The following PDLIM5 variants were observed in gnomAD, a reference collection of about 807,000 sequenced individuals.
The protein encoded by PDLIM5 is PDZ and LIM domain 5.
PDLIM5 carries 34 observed loss-of-function variants against 64.2 expected under a neutral mutation model. That is an observed-to-expected ratio of 0.53 (90% CI 0.40 to 0.71). PDLIM5 has a LOEUF of 0.71. PDLIM5 is among the 30% of genes least tolerant of loss of function. The pLI is 0.00. For missense variants in PDLIM5, 683 were observed against 733.6 expected (o/e 0.93, Z 0.80); for synonymous variants, 253 against 269.1 (o/e 0.94, Z 0.59).
intron 2 of PDLIM5, among the ~76,000 whole-genome samples, chr4:94,523,107 C>T (rs937303969): frequency 6.6e-6 from 1 of 152,078 alleles, no homozygotes. Context: ...GTGACATGCA[C>T]AAAAAAGTTG....
At chr4:94,639,169 T>C (rs1169552141) in intron 8 of PDLIM5, among the ~76,000 whole-genome samples, 1 of 152,116 alleles carries the variant, frequency 6.6e-6, no homozygotes, top group Non-Finnish European at 1.5e-5. Context: ...TGAGCATACA[T>C]AGACCCATTC....
Position 94,633,330 on chromosome 4 carries a change from TA to T in PDLIM5, c.1109-6945del, listed in dbSNP as rs554632692. Among the ~76,000 whole-genome samples, 54 of 152,334 alleles carry T rather than the reference TA, an allele frequency of 3.5e-4. No individual in the cohort carries two copies. The South Asian group carries it at 4.1e-3, about 12-fold the overall frequency. ...ATCTTCTATACCTAAGCAACGTGGA[TA>T]TTTTTTTAAATTCTAGAATCATTGT... On this transcript the variant is annotated intron_variant, in intron 8 of 12. Coordinates refer to ENST00000317968, the MANE Select transcript of PDLIM5 (RefSeq NM_006457.5).
Position 94,550,541 on chromosome 4 carries a change from A to G in PDLIM5, c.249-22810A>G, listed in dbSNP as rs550656265. ...TTACTTCTCAGAATAACTTTGGTGTATTATCTCTAGTAGCATTTTAGCTTA... is the reference window on the plus strand; with the variant it reads ...TTACTTCTCAGAATAACTTTGGTGTGTTATCTCTAGTAGCATTTTAGCTTA... On this transcript the variant is annotated intron_variant, in intron 3 of 12. Coordinates refer to ENST00000317968, the MANE Select transcript of PDLIM5 (RefSeq NM_006457.5). Among the ~76,000 whole-genome samples, 78 of 152,294 alleles carry G rather than the reference A, an allele frequency of 5.1e-4. 2 individuals carry two copies. In the South Asian group the frequency reaches 9.9e-3, roughly 19 times the overall value.
At chr4:94,500,378 G>A (rs1254175818) in intron 2 of PDLIM5, among the ~76,000 whole-genome samples, 3 of 152,062 alleles carry the variant, frequency 2.0e-5, no homozygotes, top group Admixed American at 6.5e-5. Flanking sequence ...TCAGCCAAAG[G>A]GATATTCATA....
chr4:94,521,691 G>A (rs1729841123), intron 2 of PDLIM5, among the ~76,000 whole-genome samples: 1 of 151,710 alleles, frequency 6.6e-6, no homozygotes, highest in African/African-American at 2.4e-5. Context: ...TTCTTTCTAC[G>A]ATGTTCATTA....
At position 94,480,111 on chromosome 4, in the gene PDLIM5, C is replaced by T. The variant is rs1725720920; in HGVS notation, c.96+24727C>T. Among the ~76,000 whole-genome samples, 4 of 152,302 alleles carry T rather than the reference C, an allele frequency of 2.6e-5. No homozygotes were observed. In the South Asian group the frequency reaches 8.3e-4, roughly 32 times the overall value. On this transcript the variant is annotated intron_variant, in intron 2 of 12. Transcript: ENST00000317968. ...TTTTAAATATGACTTCTCTTACTCACCATGATTACTTTTTAGATAAATGTG... is the reference window on the plus strand; with the variant it reads ...TTTTAAATATGACTTCTCTTACTCATCATGATTACTTTTTAGATAAATGTG...
chr4:94,464,345 G>T (rs941427608), intron 2 of PDLIM5, among the ~76,000 whole-genome samples: 2 of 152,164 alleles, frequency 1.3e-5, no homozygotes, highest in African/African-American at 2.4e-5. Context: ...CCATTGATTG[G>T]ATCAGGGATT....
chr4:94,476,295 GT>G (rs1207991854), intron 2 of PDLIM5, among the ~76,000 whole-genome samples: 2 of 152,016 alleles, frequency 1.3e-5, no homozygotes, highest in East Asian at 3.9e-4. Context: ...TTCTGGACAC[GT>G]AAAAGTAAAG....
chr4:94,473,015 A>G (rs751264277), intron 2 of PDLIM5, among the ~76,000 whole-genome samples: 10 of 152,208 alleles, frequency 6.6e-5, no homozygotes, highest in Admixed American at 2.0e-4. Context: ...ATGGAGCAAA[A>G]CAAAGAGGTA....
chr4:94,661,546 A>C (rs1742717205), intron 11 of PDLIM5, among the ~76,000 whole-genome samples: 1 of 152,232 alleles, frequency 6.6e-6, no homozygotes, highest in South Asian at 2.1e-4. Flanking sequence ...TTCAACATGA[A>C]GTCATAAAAT....
intron 8 of PDLIM5, among the ~76,000 whole-genome samples, chr4:94,627,195 A>G (rs1344822230): frequency 1.3e-5 from 2 of 152,184 alleles, no homozygotes; most frequent in African/African-American, 4.8e-5. Flanking sequence ...GGAGCTGTCC[A>G]TTGTCAAAAC....
intron 8 of PDLIM5, among the ~76,000 whole-genome samples, chr4:94,619,151 C>T (rs1055726916): frequency 6.6e-6 from 1 of 152,152 alleles, no homozygotes; most frequent in Non-Finnish European, 1.5e-5. Flanking sequence ...TTAGACCCCA[C>T]GCCCCACATT....
chr4:94,464,883 T>C (rs11940613), intron 2 of PDLIM5, among the ~76,000 whole-genome samples: 2,955 of 152,310 alleles, frequency 0.019, 75 homozygotes, highest in African/African-American at 0.061. Context: ...AATGGCTTAT[T>C]CTCCTTCAGG....
chr4:94,524,571 T>G (rs2110137320), intron 3 of PDLIM5, among the ~76,000 whole-genome samples: 1 of 151,836 alleles, frequency 6.6e-6, no homozygotes, highest in Middle Eastern at 3.4e-3. Flanking sequence ...GAGTAGAAAA[T>G]TTTTAATAGA....
At position 94,664,301 on chromosome 4, in the gene PDLIM5, C is replaced by A; in HGVS notation, c.*234C>A. ...CTGTATTTTATGCCCATAAAATAAGCTTTATAAAAACCAATTTCCTGATGG... is the reference window on the plus strand; with the variant it reads ...CTGTATTTTATGCCCATAAAATAAGATTTATAAAAACCAATTTCCTGATGG... On this transcript the variant is annotated 3_prime_UTR_variant, in exon 13 of 13. Coordinates refer to ENST00000317968, the MANE Select transcript of PDLIM5 (RefSeq NM_006457.5). 1 of 859,516 alleles carries A rather than the reference C, an allele frequency of 1.2e-6. No individual in the cohort carries two copies. The highest frequency in any genetic ancestry group is 1.4e-6 in the Non-Finnish European group (1 of 693,082). 53.2% of individuals were successfully genotyped at this position (859,516 alleles called of 1,614,324 possible).
At chr4:94,461,757 G>A (rs1355544979) in intron 2 of PDLIM5, among the ~76,000 whole-genome samples, 1 of 152,108 alleles carries the variant, frequency 6.6e-6, no homozygotes, top group Admixed American at 6.5e-5. Flanking sequence ...ACTCCCAACT[G>A]GGCTAAGCAG....
intron 3 of PDLIM5, among the ~76,000 whole-genome samples, chr4:94,565,541 A>G (rs1734245301): frequency 6.6e-6 from 1 of 152,180 alleles, no homozygotes. Flanking sequence ...CTCAAGACCC[A>G]CAAGAAGATT....
chr4:94,646,103 AGATAT>A (rs1741393019), intron 9 of PDLIM5, among the ~76,000 whole-genome samples: 1 of 152,212 alleles, frequency 6.6e-6, no homozygotes, highest in South Asian at 2.1e-4. Context: ...CGCTGTCCTT[AGATAT>A]CACTGGCACA....
At chr4:94,616,726 A>C (rs1241404457) in intron 7 of PDLIM5, among the ~76,000 whole-genome samples, 2 of 152,218 alleles carry the variant, frequency 1.3e-5, no homozygotes, top group Non-Finnish European at 2.9e-5. Flanking sequence ...AGTTAAACTG[A>C]TCAAAAATAA....
Sources: gnomAD v4.1 joint callset for allele counts (sites outside exome capture counted in the v4.1 genomes callset) on GRCh38, gnomAD v4.1.1 for gene constraint, MANE v1.5 for transcripts, NCBI Gene and HGNC (gene_info 2026-07-23, HGNC 2026-07-21) for gene names.